The following DCP1B variants were observed in gnomAD, a reference collection of about 807,000 sequenced individuals.
DCP1B encodes the protein mRNA-decapping enzyme 1B.
DCP1B carries 47 observed loss-of-function variants against 60.5 expected under a neutral mutation model. That is an observed-to-expected ratio of 0.78 (90% CI 0.61 to 0.99). DCP1B has a LOEUF of 0.99. Ranked by LOEUF, DCP1B falls within the 50% of genes least tolerant of loss-of-function variation. The pLI, the probability that DCP1B is intolerant of heterozygous loss-of-function variation, is 0.00. For synonymous variants in DCP1B, 267 were observed against 280.3 expected, an observed-to-expected ratio of 0.95 and a Z score of 0.47; for missense variants, 725 against 756.8, an observed-to-expected ratio of 0.96 and a Z score of 0.49.
At chr12:1,949,060 C>A in intron 8 of DCP1B, 26 bp downstream of exon 8, 1 of 1,603,056 alleles carries the variant, frequency 6.2e-7, no homozygotes, top group Non-Finnish European at 8.5e-7. Context: ...TGGTCAGGTG[C>A]GAAGGGAGAT....
rs1469982360 is a variant in DCP1B at position 2,004,381 on chromosome 12, G to C, written c.51C>G (p.Ser17Arg). Residue 17 changes from serine (S) to arginine (R), a missense_variant, in exon 1 of 9, where the codon AGC (serine) becomes AGG (arginine). By Grantham distance (110) the Ser-to-Arg change is moderately radical. Coordinates refer to ENST00000280665, the MANE Select transcript of DCP1B (RefSeq NM_152640.5). ...GGTCGTGGCGCTGCAGGGCCGCTAG[G>C]CTGATGTCGCGCCCCTTTCCCACCA... ...GGLVGKGRDI[S>R]LAALQRHDPY... 2 of 1,612,800 alleles carry C rather than the reference G, an allele frequency of 1.2e-6. No homozygotes were observed. The highest frequency in any genetic ancestry group is 1.7e-6 in the Non-Finnish European group (2 of 1,179,806).
At chr12:1,959,788 T>A (rs949924716) in intron 5 of DCP1B, among the ~76,000 whole-genome samples, 25 of 152,006 alleles carry the variant, frequency 1.6e-4, no homozygotes, top group African/African-American at 5.5e-4. Flanking sequence ...TGAAACCCCG[T>A]CTCTACTAAA....
chr12:1,955,001 C>T (rs529548252), intron 6 of DCP1B, among the ~76,000 whole-genome samples: 2 of 152,190 alleles, frequency 1.3e-5, no homozygotes, highest in Admixed American at 6.5e-5. Context: ...GCAGCTAGCA[C>T]TACAGGTGCA....
Position 1,993,260 on chromosome 12 carries a change from T to G in DCP1B, c.319+4A>C, listed in dbSNP as rs770011087. The stretch of plus-strand genomic sequence containing the variant: ...AACAACCCACTGTAGTAAGAAAGAC[T>G]CACATCTGGCATTTCTGTAGAGAAG... On this transcript the variant is annotated splice_donor_region_variant and intron_variant, in intron 3 of 8. Coordinates refer to ENST00000280665, the MANE Select transcript of DCP1B (RefSeq NM_152640.5). 64 of 1,613,954 alleles carry G rather than the reference T, an allele frequency of 4.0e-5. No homozygotes were observed. Among genetic ancestry groups the G allele is most frequent in the Non-Finnish European group, 5.3e-5 (63 of 1,179,982 alleles).
intron 7 of DCP1B, among the ~76,000 whole-genome samples, chr12:1,949,555 CTG>C (rs1565759664): frequency 6.6e-6 from 1 of 152,254 alleles, no homozygotes; most frequent in Non-Finnish European, 1.5e-5. Context: ...ATTCTTTCCA[CTG>C]CATATGCAGC....
intron 1 of DCP1B, among the ~76,000 whole-genome samples, chr12:2,000,367 G>A (rs1227760692): frequency 3.3e-5 from 5 of 151,956 alleles, no homozygotes; most frequent in Non-Finnish European, 7.3e-5. Context: ...TCATCTTAGA[G>A]ATCTGAATAA....
chr12:1,982,690 G>T (rs1017595725), intron 3 of DCP1B, among the ~76,000 whole-genome samples: 1 of 151,862 alleles, frequency 6.6e-6, no homozygotes, highest in African/African-American at 2.4e-5. Flanking sequence ...TTTTTTGTTC[G>T]CATTTTGCTG....
intron 3 of DCP1B, among the ~76,000 whole-genome samples, chr12:1,975,861 C>CGTG (rs1005643062): frequency 1.3e-5 from 2 of 152,094 alleles, no homozygotes; most frequent in African/African-American, 4.8e-5. Flanking sequence ...AGGTTCTCTC[C>CGTG]GTGAGTCCCC....
chr12:1,955,627 C>G (rs888193824), intron 5 of DCP1B, 67 bp from the exon 6 acceptor site: 413 of 1,499,788 alleles, frequency 2.8e-4, no homozygotes, highest in Non-Finnish European at 3.5e-4. Context: ...AAAAGACTAC[C>G]TTTTTACTTC....
chr12:1,993,152 C>T, intron 3 of DCP1B, 112 bp downstream of exon 3: 1 of 1,375,832 alleles, frequency 7.3e-7, no homozygotes, highest in South Asian at 1.2e-5. Context: ...AATGCTGACA[C>T]CCCCCATAGC....
chr12:1,976,183 TCAC>T (rs1465318363), intron 3 of DCP1B, among the ~76,000 whole-genome samples: 2 of 152,176 alleles, frequency 1.3e-5, no homozygotes, highest in Non-Finnish European at 2.9e-5. Flanking sequence ...GGATTAAAGG[TCAC>T]AGTGACAAGT....
Position 1,971,924 on chromosome 12 carries a change from A to C in DCP1B, c.320-4014T>G, listed in dbSNP as rs1399463056. 6.6e-6 allele frequency among the ~76,000 whole-genome samples: 1 copy of C among 152,218 alleles called. No homozygotes were observed. Among genetic ancestry groups the C allele is most frequent in the African/African-American group, 2.4e-5 (1 of 41,458 alleles). ...TAATCGTCTAATGAGGACATGTGAT[A>C]ATGTTTGTGTAAATTTTTAAAAGAA... On this transcript the variant is annotated intron_variant, in intron 3 of 8. Coordinates refer to ENST00000280665, the MANE Select transcript of DCP1B (RefSeq NM_152640.5). The surrounding 1 kb of genome is among the most constrained non-coding windows in gnomAD (Gnocchi z 4.2).
At chr12:1,959,981 T>C (rs2031064900) in intron 5 of DCP1B, among the ~76,000 whole-genome samples, 1 of 151,214 alleles carries the variant, frequency 6.6e-6, no homozygotes, top group African/African-American at 2.4e-5. Flanking sequence ...AAAAAATTTA[T>C]GTTGGCTCCT....
At position 1,958,307 on chromosome 12, in the gene DCP1B, CAG is replaced by C. The variant is rs1256467035; in HGVS notation, c.523-2749_523-2748del. On this transcript the variant is annotated intron_variant, in intron 5 of 8. Transcript: ENST00000280665. ...TTTCTATAAACCTACTGGAAGAAGA[CAG>C]GGGAAAAGCTCCCTAACGTCGCTCT... is the stretch of plus-strand genomic sequence containing the variant. Among the ~76,000 whole-genome samples, 2 of 147,112 alleles carry C rather than the reference CAG, an allele frequency of 1.4e-5. 1 individual carries two copies.
intron 3 of DCP1B, among the ~76,000 whole-genome samples, chr12:1,974,763 T>C (rs1329832457): frequency 3.9e-5 from 6 of 152,168 alleles, no homozygotes; most frequent in Admixed American, 3.9e-4. Context: ...TAGATGCATG[T>C]CAGTCATTCC....
At chr12:1,965,264 CAGTAAGTCTAACA>C (rs1442833815) in intron 5 of DCP1B, among the ~76,000 whole-genome samples, 1 of 152,006 alleles carries the variant, frequency 6.6e-6, no homozygotes, top group African/African-American at 2.4e-5. Context: ...TGGGGTCTTG[CAGTAAGTCTAACA>C]AGACTTACTA....
intron 1 of DCP1B, among the ~76,000 whole-genome samples, chr12:2,001,537 C>T (rs2042195130): frequency 1.3e-5 from 2 of 152,152 alleles, no homozygotes; most frequent in Admixed American, 1.3e-4. Flanking sequence ...TAGCTCAACG[C>T]AATCTCTATT....
chr12:1,967,044 A>T (rs2031319597), intron 4 of DCP1B, among the ~76,000 whole-genome samples: 1 of 151,952 alleles, frequency 6.6e-6, no homozygotes, highest in African/African-American at 2.4e-5. Context: ...AACTCATCTC[A>T]CTCTGAGACT....
At chr12:1,963,197 G>C (rs541329017) in intron 5 of DCP1B, among the ~76,000 whole-genome samples, 1 of 152,322 alleles carries the variant, frequency 6.6e-6, no homozygotes, top group African/African-American at 2.4e-5. Flanking sequence ...CGGGGTTCAG[G>C]AGGAGGCAGC....
Sources: allele counts gnomAD v4.1 joint callset (sites outside exome capture counted in the v4.1 genomes callset), GRCh38; gene constraint gnomAD v4.1.1; non-coding constraint Gnocchi (gnomAD v3.1); transcripts MANE v1.5; gene names NCBI Gene and HGNC (gene_info 2026-07-23, HGNC 2026-07-21).